The following GORASP1 variants were observed in gnomAD, a reference collection of about 807,000 sequenced individuals.
GORASP1 encodes the protein golgi reassembly stacking protein 1.
GORASP1 carries 31 observed loss-of-function variants against 37.7 expected under a neutral mutation model. That is an observed-to-expected ratio of 0.82 (90% CI 0.62 to 1.11). GORASP1 has a LOEUF of 1.11. Among genes scored for constraint, GORASP1 ranks in the 50% least tolerant of loss-of-function variants. The probability of loss-of-function intolerance (pLI) is 0.00; values close to 1 mark genes in which losing one functional copy is unlikely to be tolerated. For synonymous variants in GORASP1, 204 were observed against 224.8 expected, an observed-to-expected ratio of 0.91 and a Z score of 0.83; for missense variants, 476 against 560.7, an observed-to-expected ratio of 0.85 and a Z score of 1.53.
At chr3:39,101,610 CA>C (rs760509094) in intron 3 of GORASP1, 59 of 455,034 alleles carry the variant, frequency 1.3e-4, no homozygotes, top group Non-Finnish European at 2.3e-4. Flanking sequence ...AAACTGGGTA[CA>C]AATAAGGATT....
chr3:39,101,885 C>G (rs73068308), intron 3 of GORASP1, among the ~76,000 whole-genome samples: 98 of 152,310 alleles, frequency 6.4e-4, no homozygotes, highest in Non-Finnish European at 1.2e-3. Flanking sequence ...CATCAATGGG[C>G]ACAGGTGTTG....
In GORASP1 at chr3:39,101,348, G is replaced by A. The variant is rs762352821; in HGVS notation, c.349-246C>T. On this transcript the variant is annotated intron_variant, in intron 3 of 8. Coordinates refer to ENST00000319283, the MANE Select transcript of GORASP1 (RefSeq NM_031899.4). ...GCACCAGGCTCTGGAATCTGACCCCGGGCTCAACCCCTGGCTCCAGCTGCC... is the reference window on the plus strand; with the variant it reads ...GCACCAGGCTCTGGAATCTGACCCCAGGCTCAACCCCTGGCTCCAGCTGCC... The A allele has an allele frequency of 1.8e-4, 107 of 599,872 alleles. 2 individuals are homozygous for A. The highest frequency in any genetic ancestry group is 7.9e-4 in the South Asian group (42 of 53,348). The allele number at this position is 599,872 out of a possible 1,614,324, so 37.2% of individuals were successfully genotyped here. A position where few individuals can be genotyped will look rare whatever the true frequency, so the allele number is the denominator to read the frequency against.
chr3:39,107,341 G>C (rs2036255336), intron 1 of GORASP1, 138 bp downstream of exon 1: 3 of 516,900 alleles, frequency 5.8e-6, no homozygotes, highest in Non-Finnish European at 9.1e-6. Flanking sequence ...CCACCGGGCA[G>C]GGGGCACCTC....
rs1374459633 is a variant in GORASP1, at chr3:39,102,590, G to C, written c.348+88C>G. ...CAAGGCTCCCACTCCACTCCTGCAT[G>C]TACCCCCTCACACCCCGCCCACACC... On this transcript the variant is annotated intron_variant, in intron 3 of 8. Coordinates refer to ENST00000319283, the MANE Select transcript of GORASP1 (RefSeq NM_031899.4). The surrounding 1 kb of genome is among the most constrained non-coding windows in gnomAD (Gnocchi z 5.0). The C allele has an allele frequency of 1.5e-6, 2 of 1,307,512 alleles. No individual in the cohort carries two copies. The highest frequency in any genetic ancestry group is 2.9e-5 in the African/African-American group (2 of 68,536). 81.0% of individuals were successfully genotyped at this position (1,307,512 alleles called of 1,614,324 possible).
rs1430268618 is a variant in GORASP1, at chr3:39,100,830, C to T, written c.483G>A (p.Leu161=). 2 of 1,614,194 alleles carry T rather than the reference C, an allele frequency of 1.2e-6. No individual in the cohort carries two copies. The highest frequency in any genetic ancestry group is 1.1e-5 in the South Asian group (1 of 91,088). Residue 161 remains leucine, a synonymous_variant, in exon 5 of 9, where the codon TTG becomes TTA. Coordinates refer to ENST00000319283, the MANE Select transcript of GORASP1 (RefSeq NM_031899.4). This position sits in a 1 kb window ranked among gnomAD's most constrained non-coding sequence, Gnocchi z 4.6. Reference sequence around the variant, plus strand: ...ACTTGGAGTTATACACCATCAGCTTCAAGGGCTTCCCCTCATGAGACTCGA... The same window carrying T: ...ACTTGGAGTTATACACCATCAGCTTTAAGGGCTTCCCCTCATGAGACTCGA... ...TLIESHEGKP[L]KLMVYNSKSD...
Position 39,100,991 on chromosome 3 carries a change from G to C in GORASP1, c.435+25C>G. Reference sequence around the variant, plus strand: ...TCACACCACATCCAGAGGGTCTGGGGAGGGGCAAATTGCGGGTTCCTCACC... The same window carrying C: ...TCACACCACATCCAGAGGGTCTGGGCAGGGGCAAATTGCGGGTTCCTCACC... On this transcript the variant is annotated intron_variant, in intron 4 of 8. Coordinates refer to ENST00000319283, the MANE Select transcript of GORASP1 (RefSeq NM_031899.4). This position sits in a 1 kb window ranked among gnomAD's most constrained non-coding sequence, Gnocchi z 4.6. 1 of 1,614,000 alleles carries C rather than the reference G, an allele frequency of 6.2e-7. No homozygotes were observed. Among genetic ancestry groups the C allele is most frequent in the Non-Finnish European group, 8.5e-7 (1 of 1,179,806 alleles).
Position 39,098,857 on chromosome 3 carries a change from T to A in GORASP1, c.953A>T (p.Asn318Ile). ...LDVSGISLLD[N>I]SNASVWPSLP... ...GCTGGGCCACACACTGGCATTGCTG[T>A]TGTCCAAGAGAGAAATTCCCGACAC... is the stretch of plus-strand genomic sequence containing the variant. The change falls in exon 8 of 9, where the codon AAC becomes ATC. Residue 318 changes from asparagine to isoleucine, a missense_variant. By Grantham distance (149) the Asn-to-Ile change is moderately radical. Transcript: ENST00000319283. The surrounding 1 kb of genome is among the most constrained non-coding windows in gnomAD (Gnocchi z 4.7). 1.2e-6 allele frequency: 2 copies of A among 1,614,124 alleles called. No homozygotes were observed. The highest frequency in any genetic ancestry group is 3.3e-5 in the Admixed American group (2 of 60,022).
intron 6 of GORASP1, 107 bp from the exon 7 acceptor site, chr3:39,099,610 G>C: frequency 8.6e-7 from 1 of 1,161,522 alleles, no homozygotes; most frequent in Non-Finnish European, 1.2e-6. Context: ...CAGGAACACT[G>C]CTCTGCCTAA....
Position 39,105,182 on chromosome 3 carries a change from TACTC to T in GORASP1, c.64-1633_64-1630del, listed in dbSNP as rs1457573900. 6.6e-6 allele frequency among the ~76,000 whole-genome samples: 1 copy of T among 151,936 alleles called. No homozygotes were observed. The highest frequency in any genetic ancestry group is 1.5e-5 in the Non-Finnish European group (1 of 67,970). ...CTTCTCTCACCTGGGGCCTCATCAC[TACTC>T]ACTATGGCTCCGCAGCTGAAATAAT... On this transcript the variant is annotated intron_variant, in intron 1 of 8. Coordinates refer to ENST00000319283, the MANE Select transcript of GORASP1 (RefSeq NM_031899.4). The surrounding 1 kb of genome is among the most constrained non-coding windows in gnomAD (Gnocchi z 5.4).
Position 39,097,892 on chromosome 3 carries a change from G to C in GORASP1, c.*344C>G. The C allele has an allele frequency of 3.7e-6, 1 of 269,780 alleles. No homozygotes were observed. The highest frequency in any genetic ancestry group is 9.7e-5 in the East Asian group (1 of 10,336). The allele number at this position is 269,780 out of a possible 1,614,324, so 16.7% of individuals were successfully genotyped here. On this transcript the variant is annotated 3_prime_UTR_variant, in exon 9 of 9. Coordinates refer to ENST00000319283, the MANE Select transcript of GORASP1 (RefSeq NM_031899.4). ...TCCCAGGGCTCCAGGGTCCCTTCCA[G>C]TACAGATGGGGTGGGCTGAGCTGTG...
At chr3:39,101,460 T>C (rs941803853) in intron 3 of GORASP1, 11 of 493,844 alleles carry the variant, frequency 2.2e-5, no homozygotes, top group Middle Eastern at 3.0e-4. Flanking sequence ...TACCTAATGA[T>C]AGGGTTGCTG....
chr3:39,101,620 T>C (rs1393270549), intron 3 of GORASP1: 1 of 454,354 alleles, frequency 2.2e-6, no homozygotes, highest in African/African-American at 2.0e-5. Flanking sequence ...CAAATAAGGA[T>C]TCCCTTCTCC....
intron 3 of GORASP1, 151 bp from the exon 4 acceptor site, chr3:39,101,253 C>T (rs2035690816): frequency 1.5e-6 from 1 of 676,282 alleles, no homozygotes; most frequent in African/African-American, 1.8e-5. Context: ...CCTCATTTCA[C>T]CCCTCCATTC....
rs780863843 is a variant in GORASP1, at chr3:39,098,408, G to A, written c.1151C>T (p.Pro384Leu). The A allele has an allele frequency of 6.2e-7, 1 of 1,614,082 alleles. No individual in the cohort carries two copies. The highest frequency in any genetic ancestry group is 1.7e-5 in the Admixed American group (1 of 60,004). Residue 384 changes from proline (P) to leucine (L), a missense_variant, in exon 9 of 9, where the codon CCT (proline) becomes CTT (leucine). Physicochemically the swap from Pro to Leu is moderately conservative, Grantham distance 98. Transcript: ENST00000319283. This position sits in a 1 kb window ranked among gnomAD's most constrained non-coding sequence, Gnocchi z 4.7. ...PGAQAQADHL[P>L]QLTLPDSLTS... ...GAGACTGTCAGGAAGAGTCAGCTGA[G>A]GCAGGTGGTCCGCCTGGGCTTGGGC...
Position 39,101,002 on chromosome 3 carries a change from T to TG in GORASP1, c.435+13dup. 1 of 1,614,098 alleles carries TG rather than the reference T, an allele frequency of 6.2e-7. No individual in the cohort carries two copies. The highest frequency in any genetic ancestry group is 8.5e-7 in the Non-Finnish European group (1 of 1,179,960). ...CCAGAGGGTCTGGGGAGGGGCAAATTGCGGGTTCCTCACCTCCTGGAGAAT... is the reference window on the plus strand; with the variant it reads ...CCAGAGGGTCTGGGGAGGGGCAAATTGGCGGGTTCCTCACCTCCTGGAGAAT... On this transcript the variant is annotated intron_variant, in intron 4 of 8. Coordinates refer to ENST00000319283, the MANE Select transcript of GORASP1 (RefSeq NM_031899.4).
In GORASP1 at chr3:39,103,014, C is replaced by G. The variant is rs545079845; in HGVS notation, c.145-133G>C. Reference sequence around the variant, plus strand: ...CAGCAGGGTCACTGTGGGGATGGGCCAAGGTAGTGGATGGGCCAGGTTCAC... The same window carrying G: ...CAGCAGGGTCACTGTGGGGATGGGCGAAGGTAGTGGATGGGCCAGGTTCAC... On this transcript the variant is annotated intron_variant, in intron 2 of 8. Transcript: ENST00000319283. This position sits in a 1 kb window ranked among gnomAD's most constrained non-coding sequence, Gnocchi z 5.2. 1 of 841,066 alleles carries G rather than the reference C, an allele frequency of 1.2e-6. No individual in the cohort carries two copies. The highest frequency in any genetic ancestry group is 1.7e-5 in the African/African-American group (1 of 60,592). 52.1% of individuals were successfully genotyped at this position (841,066 alleles called of 1,614,324 possible).
rs761272826 is a variant in GORASP1, at chr3:39,098,924, C to G, written c.917-31G>C. On this transcript the variant is annotated intron_variant, in intron 7 of 8. Coordinates refer to ENST00000319283, the MANE Select transcript of GORASP1 (RefSeq NM_031899.4). The surrounding 1 kb of genome is among the most constrained non-coding windows in gnomAD (Gnocchi z 4.7). Reference sequence around the variant, plus strand: ...GGAGGGTGGTGCAGTTCTTTGCCAGCAAGAAACCCTGACTGCTGGAAAGCA... The same window carrying G: ...GGAGGGTGGTGCAGTTCTTTGCCAGGAAGAAACCCTGACTGCTGGAAAGCA... 9 of 1,611,564 alleles carry G rather than the reference C, an allele frequency of 5.6e-6. No individual in the cohort carries two copies. Among genetic ancestry groups the G allele is most frequent in the Middle Eastern group, 1.7e-4 (1 of 6,038 alleles).
chr3:39,098,310 T>C lies in GORASP1; in HGVS notation c.1249A>G (p.Ser417Gly). 6.2e-7 allele frequency: 1 copy of C among 1,614,216 alleles called. No individual in the cohort carries two copies. Among genetic ancestry groups the C allele is most frequent in the African/African-American group, 1.3e-5 (1 of 75,056 alleles). The change falls in exon 9 of 9, where the codon AGC becomes GGC. Residue 417 changes from serine (S) to glycine (G), a missense_variant. Coordinates refer to ENST00000319283, the MANE Select transcript of GORASP1 (RefSeq NM_031899.4). This position sits in a 1 kb window ranked among gnomAD's most constrained non-coding sequence, Gnocchi z 4.7. ...LEAQAEEEPA[S>G]TEGLDTGTEA... ...GTCCCAGTATCTAGGCCCTCTGTGC[T>C]TGCTGGTTCCTCCTCAGCCTGAGCT...
At position 39,100,692 on chromosome 3, in the gene GORASP1, C is replaced by G. The variant is rs1312004138; in HGVS notation, c.566+55G>C. On this transcript the variant is annotated intron_variant, in intron 5 of 8. Transcript: ENST00000319283. The surrounding 1 kb of genome is among the most constrained non-coding windows in gnomAD (Gnocchi z 4.6). ...CACCATAGAACTCTGAGGTCCATGCCCAATGGTCAGGCCCCACCCACCTGG... is the reference window on the plus strand; with the variant it reads ...CACCATAGAACTCTGAGGTCCATGCGCAATGGTCAGGCCCCACCCACCTGG... The G allele has an allele frequency of 6.3e-6, 10 of 1,599,436 alleles. No individual in the cohort carries two copies. Among genetic ancestry groups the G allele is most frequent in the Admixed American group, 3.4e-5 (2 of 59,340 alleles).
Sources: gnomAD v4.1 joint callset for allele counts (sites outside exome capture counted in the v4.1 genomes callset) on GRCh38, gnomAD v4.1.1 for gene constraint, Gnocchi (gnomAD v3.1) non-coding constraint, MANE v1.5 for transcripts, NCBI Gene and HGNC (gene_info 2026-07-23, HGNC 2026-07-21) for gene names.